VDAC1: variants seen among roughly 807,000 people sequenced by gnomAD.
The protein encoded by VDAC1 is non-selective voltage-gated ion channel VDAC1.
In VDAC1, 10 loss-of-function variants were observed where a neutral mutation model predicts 34.7. That is an observed-to-expected ratio of 0.29 (90% CI 0.18 to 0.49). The LOEUF (loss-of-function observed/expected upper bound fraction) is 0.49, where lower values mean the gene tolerates loss of function less well. Among genes scored for constraint, VDAC1 ranks in the 20% least tolerant of loss-of-function variants. VDAC1 has a pLI of 0.99. For missense variants in VDAC1, 230 were observed against 347.9 expected (o/e 0.66, Z 2.69); for synonymous variants, 130 against 136.0 (o/e 0.96, Z 0.30).
the VDAC1 span, among the ~76,000 whole-genome samples, chr5:134,104,402 T>A: frequency 4.6e-5 from 7 of 152,134 alleles, no homozygotes; most frequent in Non-Finnish European, 1.0e-4. Context: ...AGTGGCTGGA[T>A]CACTGCACAA....
At chr5:133,976,256 A>C in intron 6 of VDAC1, 1 of 450,890 alleles carries the variant, frequency 2.2e-6, no homozygotes, top group Non-Finnish European at 4.0e-6. Context: ...CTGTAATCCC[A>C]GCACTTTGGG....
the VDAC1 span, among the ~76,000 whole-genome samples, chr5:134,055,481 G>A: frequency 7.2e-5 from 11 of 151,744 alleles, no homozygotes; most frequent in Non-Finnish European, 1.2e-4. Flanking sequence ...GTGCAGTGGC[G>A]CGATCTCGGC....
the VDAC1 span, among the ~76,000 whole-genome samples, chr5:134,036,621 A>C: frequency 1.3e-5 from 2 of 150,674 alleles, no homozygotes; most frequent in African/African-American, 4.9e-5. Context: ...ACACCACTGC[A>C]CTCCAGCCTG....
At chr5:134,046,638 T>G in the VDAC1 span, among the ~76,000 whole-genome samples, 4 of 152,222 alleles carry the variant, frequency 2.6e-5, no homozygotes, top group Admixed American at 1.3e-4. Flanking sequence ...CAAGGTTTAA[T>G]GGGCTTGACC....
the VDAC1 span, among the ~76,000 whole-genome samples, chr5:134,019,903 T>C: frequency 6.6e-6 from 1 of 152,214 alleles, no homozygotes; most frequent in East Asian, 1.9e-4. Flanking sequence ...CAACACCTCC[T>C]CCTCTGTCCT....
the VDAC1 span, among the ~76,000 whole-genome samples, chr5:134,105,720 G>A: frequency 6.6e-6 from 1 of 152,258 alleles, no homozygotes; most frequent in South Asian, 2.1e-4. Flanking sequence ...GGGGACCCGG[G>A]TCTCCCAGCT....
At chr5:134,103,088 T>C in the VDAC1 span, among the ~76,000 whole-genome samples, 1 of 152,170 alleles carries the variant, frequency 6.6e-6, no homozygotes, top group Non-Finnish European at 1.5e-5. Flanking sequence ...GGGCACGTCA[T>C]GACCCCACGC....
chr5:134,106,886 G>A, the VDAC1 span, among the ~76,000 whole-genome samples: 2 of 152,146 alleles, frequency 1.3e-5, no homozygotes, highest in East Asian at 3.9e-4. Context: ...TCCAGTTCCT[G>A]GTTTTAGAAA....
At chr5:134,031,660 C>CA in the VDAC1 span, among the ~76,000 whole-genome samples, 1 of 151,900 alleles carries the variant, frequency 6.6e-6, no homozygotes, top group Non-Finnish European at 1.5e-5. Context: ...TACTAAAATA[C>CA]AAAAAATTAG....
At chr5:134,113,122 C>G in the VDAC1 span, among the ~76,000 whole-genome samples, 3 of 152,204 alleles carry the variant, frequency 2.0e-5, no homozygotes, top group Admixed American at 1.3e-4. Flanking sequence ...GCCGAGCCCC[C>G]CCTTCCCCGC....
At chr5:134,021,715 A>G in the VDAC1 span, among the ~76,000 whole-genome samples, 42 of 152,334 alleles carry the variant, frequency 2.8e-4, no homozygotes, top group Non-Finnish European at 5.1e-4. Flanking sequence ...AATGTGGTGC[A>G]CATGAGAATC....
At chr5:134,098,148 G>A in the VDAC1 span, among the ~76,000 whole-genome samples, 1 of 151,614 alleles carries the variant, frequency 6.6e-6, no homozygotes, top group African/African-American at 2.4e-5. Flanking sequence ...TGGGATTACA[G>A]GTGTGAGCTA....
intron 1 of VDAC1, among the ~76,000 whole-genome samples, chr5:133,997,373 T>A (rs1753354402): frequency 6.6e-6 from 1 of 151,950 alleles, no homozygotes; most frequent in African/African-American, 2.4e-5. Context: ...AAAATTAAGG[T>A]ACTATACTTG....
chr5:134,051,488 T>C, the VDAC1 span, among the ~76,000 whole-genome samples: 1 of 152,196 alleles, frequency 6.6e-6, no homozygotes, highest in Non-Finnish European at 1.5e-5. Context: ...GGCAGTGCCC[T>C]TCTGTGAGCT....
At chr5:134,054,690 A>G in the VDAC1 span, among the ~76,000 whole-genome samples, 268 of 152,070 alleles carry the variant, frequency 1.8e-3, 1 homozygote, top group African/African-American at 6.1e-3. Flanking sequence ...TGAACTCCTG[A>G]CCTCAGGTGA....
the VDAC1 span, among the ~76,000 whole-genome samples, chr5:134,110,307 C>T: frequency 6.6e-6 from 1 of 152,150 alleles, no homozygotes; most frequent in African/African-American, 2.4e-5. Flanking sequence ...AGGGATGGAG[C>T]AGGAGGGGAG....
chr5:134,019,174 A>C, the VDAC1 span, among the ~76,000 whole-genome samples: 3 of 152,196 alleles, frequency 2.0e-5, no homozygotes, highest in Admixed American at 1.3e-4. Flanking sequence ...GTGTTAACAA[A>C]AAACAAGCAA....
chr5:134,046,020 CTATT>C, the VDAC1 span, among the ~76,000 whole-genome samples: 2 of 142,352 alleles, frequency 1.4e-5, no homozygotes, highest in African/African-American at 2.6e-5. Flanking sequence ...TTTATTTATT[CTATT>C]TATTTATTTA....
At chr5:134,041,005 G>A in the VDAC1 span, among the ~76,000 whole-genome samples, 15 of 152,328 alleles carry the variant, frequency 9.8e-5, no homozygotes, top group African/African-American at 3.4e-4. Flanking sequence ...AAAAGATGAA[G>A]AACTGTCGGA....
Sources: gnomAD v4.1 joint callset for allele counts (sites outside exome capture counted in the v4.1 genomes callset) on GRCh38, gnomAD v4.1.1 for gene constraint, MANE v1.5 for transcripts, NCBI Gene and HGNC (gene_info 2026-07-23, HGNC 2026-07-21) for gene names.